Variants in CHN1 observed in about 807,000 individuals in gnomAD.
CHN1 encodes chimerin 1.
In CHN1, 37 loss-of-function variants were observed where a neutral mutation model predicts 59.5. That is an observed-to-expected ratio of 0.62 (90% CI 0.48 to 0.82). The LOEUF (loss-of-function observed/expected upper bound fraction) is 0.82, where lower values mean the gene tolerates loss of function less well. Ranked by LOEUF, CHN1 falls within the 40% of genes least tolerant of loss-of-function variation. CHN1 has a pLI of 0.00. For synonymous variants in CHN1, 206 were observed against 200.4 expected, an observed-to-expected ratio of 1.03 and a Z score of -0.24; for missense variants, 469 against 571.0, an observed-to-expected ratio of 0.82 and a Z score of 1.82.
intron 6 of CHN1, among the ~76,000 whole-genome samples, chr2:174,870,130 G>A (rs1687358640): frequency 6.6e-6 from 1 of 152,178 alleles, no homozygotes; most frequent in Non-Finnish European, 1.5e-5. Context: ...AATGGTGTTA[G>A]AAGCTAACGA....
chr2:174,952,538 T>C (rs1690055331), intron 1 of CHN1, among the ~76,000 whole-genome samples: 1 of 152,236 alleles, frequency 6.6e-6, no homozygotes, highest in Non-Finnish European at 1.5e-5. Context: ...ATTATTTCAC[T>C]GAAAGATCCC....
At chr2:174,840,756 A>C (rs1686272635) in intron 7 of CHN1, among the ~76,000 whole-genome samples, 1 of 152,190 alleles carries the variant, frequency 6.6e-6, no homozygotes, top group African/African-American at 2.4e-5. Flanking sequence ...AGATTGAGTT[A>C]GTATGTTCAA....
chr2:174,956,983 A>T (rs940941341), intron 1 of CHN1, among the ~76,000 whole-genome samples: 2 of 152,126 alleles, frequency 1.3e-5, no homozygotes, highest in African/African-American at 4.8e-5. Flanking sequence ...CAACATTTTC[A>T]TCAACCATTA....
intron 3 of CHN1, among the ~76,000 whole-genome samples, chr2:174,939,894 TC>T (rs147927597): frequency 0.04 from 6,143 of 152,296 alleles, 171 homozygotes; most frequent in Admixed American, 0.095. Context: ...CCTGCCTAAT[TC>T]TGTAAATTGG....
intron 5 of CHN1, among the ~76,000 whole-genome samples, chr2:174,908,738 T>A (rs1259440442): frequency 6.6e-6 from 1 of 152,212 alleles, no homozygotes; most frequent in Non-Finnish European, 1.5e-5. Flanking sequence ...ATGCTGCTCT[T>A]TTTAATAATT....
At chr2:174,833,281 A>G (rs1477570898) in intron 7 of CHN1, among the ~76,000 whole-genome samples, 3 of 152,168 alleles carry the variant, frequency 2.0e-5, no homozygotes, top group Non-Finnish European at 4.4e-5. Flanking sequence ...AAACTGTTAT[A>G]TCTTCTTGAT....
At position 174,878,095 on chromosome 2, in the gene CHN1, G is replaced by C; in HGVS notation, c.294C>G (p.Tyr98Ter). The C allele has an allele frequency of 6.3e-7, 1 of 1,588,764 alleles. No individual in the cohort carries two copies. Among genetic ancestry groups the C allele is most frequent in the Non-Finnish European group, 8.6e-7 (1 of 1,164,486 alleles). The stretch of plus-strand genomic sequence containing the variant: ...CCCCAACAAAGTGCTTGCCATCGTA[G>C]TAGAGCCTGAAGTTTCTGGTTTGAC... ...FGSQTRNFRL[Y>*]YDGKHFVGEK... Residue 98 changes from tyrosine (Y) to a stop codon, truncating the protein, a stop_gained, in exon 6 of 13, where the codon TAC becomes TAG. Coordinates refer to ENST00000409900, the MANE Select transcript of CHN1 (RefSeq NM_001822.7). LOFTEE classifies it high-confidence loss of function.
Position 174,812,343 on chromosome 2 carries a change from C to G in CHN1, c.852G>C (p.Val284=), listed in dbSNP as rs561047964. Residue 284 remains valine (V), a synonymous_variant, in exon 9 of 13, where the codon GTG becomes GTC. Coordinates refer to ENST00000409900, the MANE Select transcript of CHN1 (RefSeq NM_001822.7). The stretch of plus-strand genomic sequence containing the variant: ...CAATCTCCCTGATGCACATGTCTAC[C>G]ACCATTGGCCGCTTAGTGGTATGTG... ...VKAHTTKRPM[V]VDMCIREIES... is the part of the protein sequence containing the mutation. The G allele has an allele frequency of 2.0e-5, 32 of 1,613,784 alleles. No homozygotes were observed. The highest frequency in any genetic ancestry group is 8.3e-5 in the Admixed American group (5 of 60,000).
chr2:174,893,563 G>A (rs1274855398), intron 5 of CHN1, among the ~76,000 whole-genome samples: 1 of 152,036 alleles, frequency 6.6e-6, no homozygotes, highest in Admixed American at 6.6e-5. Flanking sequence ...AGACACTAAA[G>A]CAATCTAGAC....
At chr2:174,874,424 G>A (rs994672099) in intron 6 of CHN1, among the ~76,000 whole-genome samples, 7 of 152,058 alleles carry the variant, frequency 4.6e-5, no homozygotes, top group Non-Finnish European at 8.8e-5. Context: ...TCAGGCTGAG[G>A]AAGCAACTGA....
intron 6 of CHN1, among the ~76,000 whole-genome samples, chr2:174,858,261 C>G (rs1047157687): frequency 6.6e-6 from 1 of 152,080 alleles, no homozygotes; most frequent in Non-Finnish European, 1.5e-5. Context: ...AAATAAACCA[C>G]AGTTTGATTA....
intron 6 of CHN1, among the ~76,000 whole-genome samples, chr2:174,857,263 G>A (rs759310282): frequency 7.2e-5 from 11 of 152,226 alleles, no homozygotes; most frequent in African/African-American, 2.2e-4. Context: ...CGTCCATTTC[G>A]TGGGTCTCCC....
chr2:174,886,778 A>G (rs13408856), intron 5 of CHN1, among the ~76,000 whole-genome samples: 3 of 152,076 alleles, frequency 2.0e-5, no homozygotes, highest in Non-Finnish European at 4.4e-5. Flanking sequence ...TTTAGGACTT[A>G]GTGTTCATTA....
At chr2:174,958,232 A>T (rs762555551) in intron 1 of CHN1, among the ~76,000 whole-genome samples, 2 of 152,066 alleles carry the variant, frequency 1.3e-5, no homozygotes, top group Non-Finnish European at 2.9e-5. Flanking sequence ...GGACAATGGA[A>T]ACTCTGTGTT....
chr2:174,884,058 C>G lies in CHN1; in HGVS notation c.261-5930G>C, dbSNP rs56730113. On this transcript the variant is annotated intron_variant, in intron 5 of 12. Coordinates refer to ENST00000409900, the MANE Select transcript of CHN1 (RefSeq NM_001822.7). ...TCTCAGCTCACTGCAAGCTCCGCCT[C>G]CCAGGTTCACGCCATTCTCCTGCCT... Among the ~76,000 whole-genome samples the G allele has an allele frequency of 8.4e-3, 1,272 of 151,204 alleles. 21 individuals are homozygous for G. Among genetic ancestry groups the G allele is most frequent in the African/African-American group, 0.03 (1,215 of 41,158 alleles).
chr2:174,985,088 A>G (rs369768743), intron 1 of CHN1, among the ~76,000 whole-genome samples: 1 of 152,190 alleles, frequency 6.6e-6, no homozygotes, highest in East Asian at 1.9e-4. Flanking sequence ...TTTTATGATG[A>G]GGCTGAGAAA....
chr2:174,848,752 C>G (rs544833188), intron 6 of CHN1, among the ~76,000 whole-genome samples: 1 of 152,208 alleles, frequency 6.6e-6, no homozygotes, highest in East Asian at 1.9e-4. Context: ...TCTTTAGTCC[C>G]TTTTATTTTT....
intron 1 of CHN1, among the ~76,000 whole-genome samples, chr2:174,985,671 C>T (rs185148605): frequency 3.3e-4 from 50 of 152,204 alleles, no homozygotes; most frequent in African/African-American, 1.0e-3. Context: ...GTGTGTTTTA[C>T]GGATCTTCAA....
intron 1 of CHN1, among the ~76,000 whole-genome samples, chr2:174,962,504 C>G (rs1176324084): frequency 1.3e-5 from 2 of 152,112 alleles, no homozygotes; most frequent in Admixed American, 6.6e-5. Flanking sequence ...AAAATCCGCC[C>G]AGACCCAGCT....
Sources: gnomAD v4.1 joint callset for allele counts (sites outside exome capture counted in the v4.1 genomes callset) on GRCh38, gnomAD v4.1.1 for gene constraint, MANE v1.5 for transcripts, NCBI Gene and HGNC (gene_info 2026-07-23, HGNC 2026-07-21) for gene names.